The following ADAMTSL1 variants were observed in gnomAD, a reference collection of about 807,000 sequenced individuals.
ADAMTSL1 encodes the protein ADAMTS like 1, also known as ADAMTS-like protein 1.
In ADAMTSL1, 126 loss-of-function variants were observed where a neutral mutation model predicts 201.8. That is an observed-to-expected ratio of 0.62 (90% CI 0.54 to 0.72). The LOEUF (loss-of-function observed/expected upper bound fraction) is 0.72, where lower values mean the gene tolerates loss of function less well. ADAMTSL1 is among the 30% of genes least tolerant of loss of function. The pLI, the probability that ADAMTSL1 is intolerant of heterozygous loss-of-function variation, is 0.00. For missense variants in ADAMTSL1, 2,679 were observed against 2,277.8 expected (o/e 1.18, Z -3.59); for synonymous variants, 1,121 against 903.4 (o/e 1.24, Z -4.32).
chr9:18,448,851 TA>T (rs1820298514), intron 2 of ADAMTSL1, among the ~76,000 whole-genome samples: 1 of 152,148 alleles, frequency 6.6e-6, no homozygotes, highest in South Asian at 2.1e-4. Context: ...AGTTTAATTT[TA>T]AAAAATGCTC....
chr9:18,577,482 T>C (rs1198451795), intron 4 of ADAMTSL1, among the ~76,000 whole-genome samples: 1 of 152,092 alleles, frequency 6.6e-6, no homozygotes, highest in Non-Finnish European at 1.5e-5. Flanking sequence ...CAAGACTCCA[T>C]CTCTAAATAA....
intron 2 of ADAMTSL1, among the ~76,000 whole-genome samples, chr9:18,346,929 C>G (rs1835749635): frequency 6.6e-6 from 1 of 152,144 alleles, no homozygotes; most frequent in Non-Finnish European, 1.5e-5. Flanking sequence ...TCCTTCCATT[C>G]ATTTTCCAGT....
At chr9:18,826,979 CTCT>C (rs888938921) in intron 22 of ADAMTSL1, among the ~76,000 whole-genome samples, 1 of 152,028 alleles carries the variant, frequency 6.6e-6, no homozygotes, top group African/African-American at 2.4e-5. Flanking sequence ...TGATTAAAGA[CTCT>C]GGCATGGCTC....
intron 2 of ADAMTSL1, among the ~76,000 whole-genome samples, chr9:18,352,701 GA>G (rs1836026115): frequency 6.6e-6 from 1 of 152,080 alleles, no homozygotes; most frequent in Non-Finnish European, 1.5e-5. Context: ...ATTCCCTACA[GA>G]AAACCATCAG....
At chr9:18,509,115 C>T (rs866959474) in intron 2 of ADAMTSL1, among the ~76,000 whole-genome samples, 14 of 98,524 alleles carry the variant, frequency 1.4e-4, no homozygotes, top group Admixed American at 6.9e-4. Context: ...ACCCGGGAGG[C>T]GGAGCTTGCA....
In ADAMTSL1 at chr9:18,524,869, C is replaced by T. The variant is rs921998407; in HGVS notation, c.192-8378C>T. On this transcript the variant is annotated intron_variant, in intron 2 of 28. Coordinates refer to ENST00000380548, the MANE Select transcript of ADAMTSL1 (RefSeq NM_001040272.6). ...AGTATTTTATTGAGGATTTTTGAAT[C>T]GATGTTCATCAGGGATATTGGTCTA... 2.4e-3 allele frequency among the ~76,000 whole-genome samples: 369 copies of T among 152,206 alleles called. 1 individual carries two copies. Among genetic ancestry groups the T allele is most frequent in the African/African-American group, 8.2e-3 (342 of 41,538 alleles).
intron 2 of ADAMTSL1, among the ~76,000 whole-genome samples, chr9:18,167,530 T>TA (rs764486604): frequency 2.6e-5 from 4 of 151,852 alleles, no homozygotes; most frequent in South Asian, 2.1e-4. Context: ...TCAACTGAAA[T>TA]AAAAAAATGC....
chr9:18,010,874 C>G (rs1030329666), intron 1 of ADAMTSL1, among the ~76,000 whole-genome samples: 1 of 151,984 alleles, frequency 6.6e-6, no homozygotes, highest in African/African-American at 2.4e-5. Flanking sequence ...TATGTGATCA[C>G]TGTATCCTGA....
chr9:18,373,213 A>G (rs1305451063), intron 2 of ADAMTSL1, among the ~76,000 whole-genome samples: 4 of 152,302 alleles, frequency 2.6e-5, no homozygotes, highest in Admixed American at 2.0e-4. Flanking sequence ...AAAATAACCT[A>G]TGAATTAATT....
chr9:18,377,177 C>T (rs182265727), intron 2 of ADAMTSL1, among the ~76,000 whole-genome samples: 3 of 152,264 alleles, frequency 2.0e-5, no homozygotes, highest in East Asian at 1.9e-4. Context: ...AGCCCTCTCG[C>T]GTCATTTACT....
chr9:18,691,978 T>C (rs984654174), intron 13 of ADAMTSL1, among the ~76,000 whole-genome samples: 41 of 152,270 alleles, frequency 2.7e-4, no homozygotes, highest in African/African-American at 9.6e-4. Flanking sequence ...AATGGAGAAA[T>C]TGAGGCAGCT....
intron 2 of ADAMTSL1, among the ~76,000 whole-genome samples, chr9:18,172,743 A>C (rs924744172): frequency 3.3e-5 from 5 of 152,156 alleles, no homozygotes; most frequent in Admixed American, 2.0e-4. Flanking sequence ...AGAATAACGT[A>C]TTGCTTATTT....
In ADAMTSL1 at chr9:18,777,827, C is replaced by T; in HGVS notation, c.3598C>T (p.Leu1200=). ...ALASGTLSVL[L]HCEAIGHPRP... ...GGCCAGCGGGACACTGAGTGTTCTTCTGCACTGTGAGGCCATCGGCCACCC... is the reference window on the plus strand; with the variant it reads ...GGCCAGCGGGACACTGAGTGTTCTTTTGCACTGTGAGGCCATCGGCCACCC... Residue 1200 remains leucine (L), a synonymous_variant, in exon 19 of 29, where the codon CTG becomes TTG. Coordinates refer to ENST00000380548, the MANE Select transcript of ADAMTSL1 (RefSeq NM_001040272.6). 6.2e-7 allele frequency: 1 copy of T among 1,610,810 alleles called. No individual in the cohort carries two copies. Among genetic ancestry groups the T allele is most frequent in the Non-Finnish European group, 8.5e-7 (1 of 1,177,426 alleles).
At chr9:17,987,524 C>T (rs540006160) in intron 1 of ADAMTSL1, among the ~76,000 whole-genome samples, 3 of 151,874 alleles carry the variant, frequency 2.0e-5, no homozygotes, top group African/African-American at 4.8e-5. Flanking sequence ...ATATTTAGAT[C>T]GTTTTGGACT....
rs187309680 is a variant in ADAMTSL1, at chr9:18,079,630, C to T, written c.88-84232C>T. 3.1e-4 allele frequency among the ~76,000 whole-genome samples: 46 copies of T among 150,594 alleles called. No homozygotes were observed. The East Asian group carries it at 5.7e-3, about 19-fold the overall frequency. On this transcript the variant is annotated intron_variant, in intron 1 of 29. Coordinates refer to the ADAMTSL1 transcript ENST00000680146. ...CCACGAGCTGGAGCTTGCAGTGAGC[C>T]GAGATCGCACCACTGCACTCCAGTC...
intron 2 of ADAMTSL1, among the ~76,000 whole-genome samples, chr9:18,227,648 G>A (rs1324723187): frequency 2.0e-5 from 3 of 152,064 alleles, no homozygotes; most frequent in Admixed American, 1.3e-4. Context: ...TTTCACAAAG[G>A]CTTTTCTGCC....
intron 2 of ADAMTSL1, among the ~76,000 whole-genome samples, chr9:18,521,407 C>T (rs1818683134): frequency 6.6e-6 from 1 of 151,652 alleles, no homozygotes; most frequent in South Asian, 2.1e-4. Flanking sequence ...ATCAAAACCT[C>T]TTCTGCACCC....
intron 23 of ADAMTSL1, among the ~76,000 whole-genome samples, chr9:18,886,511 G>A (rs1443905671): frequency 6.7e-6 from 1 of 149,714 alleles, no homozygotes; most frequent in Admixed American, 6.7e-5. Context: ...AAAAACTAGT[G>A]GCTTATAAAC....
At chr9:18,135,906 C>A (rs889405732) in intron 1 of ADAMTSL1, among the ~76,000 whole-genome samples, 2 of 152,006 alleles carry the variant, frequency 1.3e-5, no homozygotes, top group African/African-American at 4.8e-5. Flanking sequence ...TATGGCATAC[C>A]CCTCACTCAA....
Sources: gnomAD v4.1 joint callset for allele counts (sites outside exome capture counted in the v4.1 genomes callset) on GRCh38, gnomAD v4.1.1 for gene constraint, MANE v1.5 for transcripts, NCBI Gene and HGNC (gene_info 2026-07-23, HGNC 2026-07-21) for gene names.